Variants in ATRNL1 observed in about 807,000 individuals in gnomAD.
ATRNL1 encodes the protein attractin like 1, also known as attractin-like protein 1.
Under a neutral mutation model 182.7 loss-of-function variants are expected in ATRNL1, and 95 were observed. The ratio of observed to expected loss-of-function variants is 0.52; its 90% CI spans 0.44 to 0.62. The LOEUF (loss-of-function observed/expected upper bound fraction) is 0.62. Among genes scored for constraint, ATRNL1 ranks in the 20% least tolerant of loss-of-function variants. ATRNL1 has a pLI of 0.00. For missense variants in ATRNL1, 1,471 were observed against 1,679.5 expected (o/e 0.88, Z 2.17); for synonymous variants, 576 against 568.3 (o/e 1.01, Z -0.19).
At chr10:115,910,959 T>C (rs554021243) in intron 28 of ATRNL1, among the ~76,000 whole-genome samples, 2 of 152,348 alleles carry the variant, frequency 1.3e-5, no homozygotes, top group Admixed American at 1.3e-4. Flanking sequence ...TCTCAGTGGA[T>C]CTTGGCAACA....
intron 7 of ATRNL1, among the ~76,000 whole-genome samples, chr10:115,166,196 A>C (rs762845348): frequency 4.6e-4 from 70 of 152,078 alleles, no homozygotes; most frequent in Non-Finnish European, 9.0e-4. Flanking sequence ...TTAGCACACT[A>C]TCTTCAAGGA....
chr10:115,525,058 TG>T (rs1851140042), intron 25 of ATRNL1, among the ~76,000 whole-genome samples: 1 of 152,178 alleles, frequency 6.6e-6, no homozygotes. Context: ...CTTCCTTCTA[TG>T]GACTCAGTCA....
At chr10:115,120,934 G>A (rs1844700093) in intron 2 of ATRNL1, among the ~76,000 whole-genome samples, 1 of 152,008 alleles carries the variant, frequency 6.6e-6, no homozygotes, top group Admixed American at 6.6e-5. Context: ...GTTTTTTAGT[G>A]CCTCCAACTT....
rs569258280 is a variant in ATRNL1 at position 115,516,905 on chromosome 10, T to G, written c.3655-2358T>G. Among the ~76,000 whole-genome samples, 3 of 151,992 alleles carry G rather than the reference T, an allele frequency of 2.0e-5. No homozygotes were observed. The East Asian group carries it at 5.8e-4, about 29-fold the overall frequency. On this transcript the variant is annotated intron_variant, in intron 24 of 28. Coordinates refer to ENST00000355044, the MANE Select transcript of ATRNL1 (RefSeq NM_207303.4). ...AAATCCTCCTAGCTCATATCATCTT[T>G]GTTTTTTTCCACTCAAAACACCACT... is the stretch of plus-strand genomic sequence containing the variant.
At chr10:115,389,559 T>TATATAC (rs1843890460) in intron 19 of ATRNL1, among the ~76,000 whole-genome samples, 1 of 101,954 alleles carries the variant, frequency 9.8e-6, no homozygotes, top group Non-Finnish European at 2.1e-5. Context: ...TATATATATA[T>TATATAC]ATATATATAT....
chr10:115,661,557 C>A (rs547881822), intron 26 of ATRNL1, among the ~76,000 whole-genome samples: 6 of 152,074 alleles, frequency 3.9e-5, no homozygotes, highest in African/African-American at 1.2e-4. Flanking sequence ...GTGCAGAAAG[C>A]TTTTGCTTTT....
chr10:115,531,577 C>T (rs1215115728), intron 25 of ATRNL1, among the ~76,000 whole-genome samples: 20 of 150,242 alleles, frequency 1.3e-4, no homozygotes, highest in African/African-American at 2.9e-4. Flanking sequence ...ATTTTGTAGG[C>T]TGCCTGTTCA....
intron 17 of ATRNL1, among the ~76,000 whole-genome samples, chr10:115,313,408 T>G (rs1854134511): frequency 6.6e-6 from 1 of 152,188 alleles, no homozygotes; most frequent in Non-Finnish European, 1.5e-5. Context: ...TATGAGTTCC[T>G]TGGTCATAGA....
intron 24 of ATRNL1, among the ~76,000 whole-genome samples, chr10:115,516,254 C>A (rs1554983859): frequency 6.6e-6 from 1 of 151,836 alleles, no homozygotes; most frequent in African/African-American, 2.4e-5. Flanking sequence ...CATCTTTCCA[C>A]TTGTTCTTGT....
intron 24 of ATRNL1, among the ~76,000 whole-genome samples, chr10:115,474,223 C>T (rs1329669253): frequency 6.6e-6 from 1 of 151,236 alleles, no homozygotes; most frequent in African/African-American, 2.4e-5. Flanking sequence ...GCAACATTGC[C>T]AGGTAAGGTA....
chr10:115,607,364 A>G (rs1446865219), intron 26 of ATRNL1, among the ~76,000 whole-genome samples: 1 of 151,818 alleles, frequency 6.6e-6, no homozygotes, highest in African/African-American at 2.4e-5. Flanking sequence ...TTCTCTGTTT[A>G]TGATCTCTGG....
intron 27 of ATRNL1, among the ~76,000 whole-genome samples, chr10:115,798,224 G>A (rs370836313): frequency 2.0e-5 from 3 of 152,076 alleles, no homozygotes; most frequent in African/African-American, 7.2e-5. Context: ...GCCTCTCAGA[G>A]ACTTCTTTTT....
intron 24 of ATRNL1, among the ~76,000 whole-genome samples, chr10:115,518,835 G>A (rs1850767874): frequency 6.6e-6 from 1 of 151,462 alleles, no homozygotes; most frequent in Non-Finnish European, 1.5e-5. Context: ...TTAAAATGAT[G>A]TGACATATTT....
intron 8 of ATRNL1, among the ~76,000 whole-genome samples, chr10:115,199,560 C>A (rs1382760535): frequency 6.6e-6 from 1 of 151,044 alleles, no homozygotes; most frequent in Non-Finnish European, 1.5e-5. Context: ...AAGATTTCAT[C>A]TAAAAAAAAA....
chr10:115,735,204 G>C (rs2244439), intron 27 of ATRNL1, among the ~76,000 whole-genome samples: 24,034 of 152,076 alleles, frequency 0.16, 2,174 homozygotes, highest in Non-Finnish European at 0.2. Flanking sequence ...AATGCCTTTA[G>C]CATATGTCTT....
At chr10:115,793,531 G>T (rs565744365) in intron 27 of ATRNL1, among the ~76,000 whole-genome samples, 35 of 135,188 alleles carry the variant, frequency 2.6e-4, no homozygotes, top group African/African-American at 9.7e-4. Context: ...TTTGAACGAA[G>T]CTGAAAGCTT....
At chr10:115,137,956 T>C (rs1554877114) in intron 5 of ATRNL1, among the ~76,000 whole-genome samples, 1 of 152,168 alleles carries the variant, frequency 6.6e-6, no homozygotes, top group Non-Finnish European at 1.5e-5. Context: ...ACTTCCTAGA[T>C]AACAATCAGG....
intron 19 of ATRNL1, among the ~76,000 whole-genome samples, chr10:115,334,732 A>G (rs1855402516): frequency 6.6e-6 from 1 of 152,216 alleles, no homozygotes; most frequent in Non-Finnish European, 1.5e-5. Flanking sequence ...TAGTTTTTTT[A>G]ATAAGTAATA....
intron 2 of ATRNL1, among the ~76,000 whole-genome samples, chr10:115,120,750 T>A (rs782161292): frequency 1.3e-5 from 2 of 152,098 alleles, no homozygotes; most frequent in Non-Finnish European, 2.9e-5. Context: ...ATAAAAGAAT[T>A]GATATGAATT....
Sources: gnomAD v4.1 joint callset for allele counts (sites outside exome capture counted in the v4.1 genomes callset) on GRCh38, gnomAD v4.1.1 for gene constraint, MANE v1.5 for transcripts, NCBI Gene and HGNC (gene_info 2026-07-23, HGNC 2026-07-21) for gene names.